Variants in NAA15 observed in about 807,000 individuals in gnomAD.
The protein encoded by NAA15 is N-terminal acetyltransferase.
Under a neutral mutation model 114.0 loss-of-function variants are expected in NAA15, and 34 were observed. That is an observed-to-expected ratio of 0.30 (90% CI 0.23 to 0.40). NAA15 has a LOEUF of 0.40. Among genes scored for constraint, NAA15 ranks in the 10% least tolerant of loss-of-function variants. The pLI is 1.00. For synonymous variants in NAA15, 340 were observed against 338.0 expected (o/e 1.01, Z -0.06); for missense variants, 658 against 1,004.5 (o/e 0.66, Z 4.66).
chr4:139,332,572 GTTTTTTTTTT>G (rs1164115947), intron 1 of NAA15, among the ~76,000 whole-genome samples: 48 of 62,022 alleles, frequency 7.7e-4, no homozygotes, highest in African/African-American at 1.1e-3. Context: ...TGGTTTGTAT[GTTTTTTTTTT>G]TTTTTTTTTT....
intron 15 of NAA15, among the ~76,000 whole-genome samples, chr4:139,374,061 A>C (rs1026464508): frequency 2.0e-5 from 3 of 152,048 alleles, no homozygotes; most frequent in Non-Finnish European, 4.4e-5. Context: ...ATGATTCCTT[A>C]GTACAGTAGT....
chr4:139,348,662 A>G (rs1231017151), intron 6 of NAA15, among the ~76,000 whole-genome samples: 1 of 152,210 alleles, frequency 6.6e-6, no homozygotes, highest in African/African-American at 2.4e-5. Context: ...TTTGGAGCTC[A>G]TATATAATAG....
intron 1 of NAA15, among the ~76,000 whole-genome samples, chr4:139,321,055 TG>T (rs201662437): frequency 5.1e-4 from 78 of 152,230 alleles, no homozygotes; most frequent in African/African-American, 1.9e-3. Flanking sequence ...ATTTTTTTTT[TG>T]ATCTTCTCAA....
chr4:139,339,419 C>G (rs115952370), intron 3 of NAA15, among the ~76,000 whole-genome samples: 1,771 of 152,184 alleles, frequency 0.012, 12 homozygotes, highest in East Asian at 0.029. Context: ...ATTGTTTGAG[C>G]CCAGGAGTTT....
intron 1 of NAA15, among the ~76,000 whole-genome samples, chr4:139,331,246 T>G (rs1746990240): frequency 6.6e-6 from 1 of 152,182 alleles, no homozygotes; most frequent in South Asian, 2.1e-4. Context: ...TCAAGCAACT[T>G]CAGCCCTTTA....
intron 1 of NAA15, among the ~76,000 whole-genome samples, chr4:139,317,021 A>C (rs751960433): frequency 6.6e-6 from 1 of 151,672 alleles, no homozygotes; most frequent in Non-Finnish European, 1.5e-5. Flanking sequence ...TTGACTTCCC[A>C]GTAGCCATTG....
At position 139,349,453 on chromosome 4, in the gene NAA15, T is replaced by A; in HGVS notation, c.692-9T>A. On this transcript the variant is annotated splice_polypyrimidine_tract_variant and intron_variant, in intron 6 of 19. Coordinates refer to ENST00000296543, the MANE Select transcript of NAA15 (RefSeq NM_057175.5). ...TATTAAAATTTTTTTTTTTTCTGTT[T>A]TTAATCAGGGGAACTTCTGTTGCAA... 1 of 1,556,524 alleles carries A rather than the reference T, an allele frequency of 6.4e-7. No homozygotes were observed. Among genetic ancestry groups the A allele is most frequent in the Non-Finnish European group, 8.6e-7 (1 of 1,158,366 alleles).
At position 139,387,967 on chromosome 4, in the gene NAA15, T is replaced by C. The variant is rs1748953476; in HGVS notation, c.2484T>C (p.Cys828=). 1 of 1,614,026 alleles carries C rather than the reference T, an allele frequency of 6.2e-7. No homozygotes were observed. The highest frequency in any genetic ancestry group is 8.5e-7 in the Non-Finnish European group (1 of 1,179,944). ...KEAAEIYRAN[C]HKLFPYALAF... ...CTGCTGAAATTTATAGAGCAAATTG[T>C]CATAAGCTTTTCCCTTATGCTTTGG... The change falls in exon 20 of 20, where the codon TGT becomes TGC. Residue 828 remains cysteine, a synonymous_variant. Transcript: ENST00000296543.
chr4:139,332,346 G>A (rs999513654), intron 1 of NAA15, among the ~76,000 whole-genome samples: 7 of 151,856 alleles, frequency 4.6e-5, no homozygotes, highest in African/African-American at 1.7e-4. Flanking sequence ...GGCCTGGCTG[G>A]TCTCGAACTT....
At chr4:139,312,333 G>A (rs774724354) in intron 1 of NAA15, among the ~76,000 whole-genome samples, 1 of 151,886 alleles carries the variant, frequency 6.6e-6, no homozygotes, top group Non-Finnish European at 1.5e-5. Flanking sequence ...TTGTATTCTT[G>A]ACTTTTGGAA....
intron 1 of NAA15, among the ~76,000 whole-genome samples, chr4:139,307,506 GTCC>G (rs1295625909): frequency 6.6e-6 from 1 of 152,176 alleles, no homozygotes; most frequent in East Asian, 1.9e-4. Flanking sequence ...GGATCAAGCA[GTCC>G]TCCTGCCTTG....
intron 14 of NAA15, among the ~76,000 whole-genome samples, chr4:139,369,676 T>C (rs952813243): frequency 6.9e-6 from 1 of 144,450 alleles, no homozygotes; most frequent in African/African-American, 2.6e-5. Context: ...AAGCAGAGGT[T>C]GCAGTAAGCT....
At chr4:139,383,833 T>C (rs1019688816) in intron 17 of NAA15, among the ~76,000 whole-genome samples, 3 of 152,234 alleles carry the variant, frequency 2.0e-5, no homozygotes, top group African/African-American at 7.2e-5. Context: ...GATAGCTCAA[T>C]TTACATAGTT....
Position 139,389,700 on chromosome 4 carries a change from A to G in NAA15, c.*1616A>G, listed in dbSNP as rs920672565. 1.3e-5 allele frequency: 2 copies of G among 152,662 alleles called. No homozygotes were observed. Among genetic ancestry groups the G allele is most frequent in the East Asian group, 1.9e-4 (1 of 5,200 alleles). The allele number at this position is 152,662 out of a possible 1,614,324, so 9.5% of individuals were successfully genotyped here. On this transcript the variant is annotated 3_prime_UTR_variant, in exon 20 of 20. Coordinates refer to ENST00000296543, the MANE Select transcript of NAA15 (RefSeq NM_057175.5). ...AAATAAGATTAAGTAAAACAAATCA[A>G]TTGTATATATAATTGACCTTTTTGT...
intron 1 of NAA15, among the ~76,000 whole-genome samples, chr4:139,321,449 C>T (rs1047700469): frequency 9.3e-5 from 14 of 151,242 alleles, no homozygotes; most frequent in African/African-American, 3.4e-4. Context: ...CAAACTTGAG[C>T]CACAGTGCCT....
intron 9 of NAA15, among the ~76,000 whole-genome samples, chr4:139,352,221 G>A (rs1747801073): frequency 6.6e-6 from 1 of 151,896 alleles, no homozygotes; most frequent in South Asian, 2.1e-4. Flanking sequence ...CAATTCTTGT[G>A]CCTCAGCCTC....
chr4:139,322,978 A>G lies in NAA15; in HGVS notation c.55-11196A>G, dbSNP rs536125332. Among the ~76,000 whole-genome samples, 4 of 150,584 alleles carry G rather than the reference A, an allele frequency of 2.7e-5. No individual in the cohort carries two copies. In the South Asian group the frequency reaches 8.4e-4, roughly 32 times the overall value. ...ATAGCTGGGATTGCAGGCATAAGCCACCGCTCCCAGCCTCAGCTTAGTATT... is the reference window on the plus strand; with the variant it reads ...ATAGCTGGGATTGCAGGCATAAGCCGCCGCTCCCAGCCTCAGCTTAGTATT... On this transcript the variant is annotated intron_variant, in intron 1 of 19. Coordinates refer to ENST00000296543, the MANE Select transcript of NAA15 (RefSeq NM_057175.5).
rs201392804 is a variant in NAA15, at chr4:139,301,847, C to T, written c.54+16C>T. On this transcript the variant is annotated intron_variant, in intron 1 of 19. Coordinates refer to ENST00000296543, the MANE Select transcript of NAA15 (RefSeq NM_057175.5). ...GCGGATCTTGGTAAGTGTGAGGCTC[C>T]GGGCAAGCGGTGGGGAGGATTTAGC... 248 of 1,581,716 alleles carry T rather than the reference C, an allele frequency of 1.6e-4. 1 individual carries two copies. Among genetic ancestry groups the T allele is most frequent in the East Asian group, 1.3e-3 (57 of 42,246 alleles).
chr4:139,368,348 G>A (rs1300137958), intron 14 of NAA15, among the ~76,000 whole-genome samples: 1 of 152,116 alleles, frequency 6.6e-6, no homozygotes, highest in Non-Finnish European at 1.5e-5. Context: ...AAGCTGAGGC[G>A]GGTGGTTGCT....
Sources: gnomAD v4.1 joint callset for allele counts (sites outside exome capture counted in the v4.1 genomes callset) on GRCh38, gnomAD v4.1.1 for gene constraint, MANE v1.5 for transcripts, NCBI Gene and HGNC (gene_info 2026-07-23, HGNC 2026-07-21) for gene names.